TBC1D16: variants seen among roughly 807,000 people sequenced by gnomAD.
TBC1D16 encodes CTD-2529O21.1.
Under a neutral mutation model 74.7 loss-of-function variants are expected in TBC1D16, and 58 were observed. The ratio of observed to expected loss-of-function variants is 0.78; its 90% CI spans 0.63 to 0.97. TBC1D16 has a LOEUF of 0.97. TBC1D16 is among the 50% of genes least tolerant of loss of function. The pLI is 0.00. For synonymous variants in TBC1D16, 493 were observed against 474.7 expected, an observed-to-expected ratio of 1.04 and a Z score of -0.50; for missense variants, 1,014 against 1,079.5, an observed-to-expected ratio of 0.94 and a Z score of 0.85.
In TBC1D16 at chr17:79,952,793, G is replaced by A; in HGVS notation, c.805C>T (p.Leu269=). 1.2e-6 allele frequency: 2 copies of A among 1,610,726 alleles called. No homozygotes were observed. Among genetic ancestry groups the A allele is most frequent in the Non-Finnish European group, 1.7e-6 (2 of 1,178,502 alleles). Residue 269 remains leucine, a synonymous_variant, in exon 4 of 12, where the codon CTG becomes TTG. Transcript: ENST00000310924. ...SSPPSSSDAG[L]RFPDSNGLLQ... ...AGGCCGTTGCTGTCCGGGAACCGCAGGCCGGCGTCGGAGCTGGACGGGGGG... is the reference window on the plus strand; with the variant it reads ...AGGCCGTTGCTGTCCGGGAACCGCAAGCCGGCGTCGGAGCTGGACGGGGGG...
chr17:79,945,311 A>G (rs939537577), intron 9 of TBC1D16, among the ~76,000 whole-genome samples: 4 of 152,050 alleles, frequency 2.6e-5, no homozygotes, highest in African/African-American at 7.2e-5. Context: ...ACTGTTCCGG[A>G]GGCTGTGGTG....
Position 80,008,420 on chromosome 17 carries a change from C to CTGGTTG in TBC1D16, c.779+1734_779+1739dup, listed in dbSNP as rs1474195387. Among the ~76,000 whole-genome samples the CTGGTTG allele has an allele frequency of 2.0e-5, 3 of 152,176 alleles. No homozygotes were observed. Among genetic ancestry groups the CTGGTTG allele is most frequent in the Admixed American group, 6.5e-5 (1 of 15,282 alleles). ...GGACAGAGAGCTGACCGGCCAGCTT[C>CTGGTTG]TGGTTGTGGTTCTGCCACAGAATCC... On this transcript the variant is annotated intron_variant, in intron 3 of 11. Transcript: ENST00000310924. This position sits in a 1 kb window ranked among gnomAD's most constrained non-coding sequence, Gnocchi z 4.5.
rs1024653337 is a variant in TBC1D16 at position 79,986,788 on chromosome 17, G to A, written c.779+23372C>T. On this transcript the variant is annotated intron_variant, in intron 3 of 11. Transcript: ENST00000310924. The surrounding 1 kb of genome is among the most constrained non-coding windows in gnomAD (Gnocchi z 6.0). ...CCTCCTCAGAGCCTCAGCCCGCAGC[G>A]GGAGATGACACCTCCGATCAGGTCC... Among the ~76,000 whole-genome samples the A allele has an allele frequency of 5.3e-5, 8 of 152,178 alleles. No individual in the cohort carries two copies. The highest frequency in any genetic ancestry group is 7.2e-5 in the African/African-American group (3 of 41,460).
chr17:79,970,001 T>C lies in TBC1D16; in HGVS notation c.780-17183A>G, dbSNP rs1010937126. Among the ~76,000 whole-genome samples, 16 of 152,304 alleles carry C rather than the reference T, an allele frequency of 1.1e-4. 1 individual carries two copies. Among genetic ancestry groups the C allele is most frequent in the Middle Eastern group, 6.8e-3 (2 of 294 alleles). The stretch of plus-strand genomic sequence containing the variant: ...ATAAAAACATGTACACACATGTTCA[T>C]AGTAGCATTATTCATCATATCCAAA... On this transcript the variant is annotated intron_variant, in intron 3 of 11. Coordinates refer to ENST00000310924, the MANE Select transcript of TBC1D16 (RefSeq NM_019020.4).
chr17:79,949,278 C>T (rs1012102217), intron 7 of TBC1D16, among the ~76,000 whole-genome samples: 16 of 152,238 alleles, frequency 1.1e-4, no homozygotes, highest in Non-Finnish European at 2.2e-4. Flanking sequence ...TTGGCCCTGG[C>T]CCAGCGTTCT....
Position 79,951,432 on chromosome 17 carries a change from G to A in TBC1D16, c.1089+18C>T. On this transcript the variant is annotated intron_variant, in intron 5 of 11. Transcript: ENST00000310924. ...GAGTGTCAACCGCTGGGCATTCTGG[G>A]GCCGTCTGCTGGGCTACCTGGTCTT... is the stretch of plus-strand genomic sequence containing the variant. 1 of 1,610,810 alleles carries A rather than the reference G, an allele frequency of 6.2e-7. No individual in the cohort carries two copies. Among genetic ancestry groups the A allele is most frequent in the Non-Finnish European group, 8.5e-7 (1 of 1,178,180 alleles).
rs906523964 is a variant in TBC1D16, at chr17:79,944,765, G to A, written c.1908+143C>T. 14 of 756,518 alleles carry A rather than the reference G, an allele frequency of 1.9e-5. No individual in the cohort carries two copies. Among genetic ancestry groups the A allele is most frequent in the East Asian group, 8.4e-5 (3 of 35,878 alleles). 46.9% of individuals were successfully genotyped at this position (756,518 alleles called of 1,614,324 possible). ...AGGTCTGAAGCCAGCCACGTGGGAC[G>A]GGAAGGCAGTCGCCGTATGGGGGGC... On this transcript the variant is annotated intron_variant, in intron 10 of 11. Coordinates refer to ENST00000310924, the MANE Select transcript of TBC1D16 (RefSeq NM_019020.4). This position sits in a 1 kb window ranked among gnomAD's most constrained non-coding sequence, Gnocchi z 7.7.
intron 1 of TBC1D16, among the ~76,000 whole-genome samples, chr17:80,016,523 C>T (rs2036096342): frequency 6.6e-6 from 1 of 150,936 alleles, no homozygotes; most frequent in Non-Finnish European, 1.5e-5. Context: ...TTTTACATTT[C>T]TCCAAAGATC....
chr17:79,945,621 T>C (rs1374385272), intron 9 of TBC1D16, among the ~76,000 whole-genome samples: 2 of 152,222 alleles, frequency 1.3e-5, no homozygotes, highest in Non-Finnish European at 2.9e-5. Context: ...ATCGGGGCTA[T>C]TTCTGGCAGC....
intron 3 of TBC1D16, among the ~76,000 whole-genome samples, chr17:79,967,310 G>GA (rs1415775394): frequency 6.6e-6 from 1 of 151,622 alleles, no homozygotes; most frequent in African/African-American, 2.4e-5. Context: ...AAGAAGATTG[G>GA]AAAAAAAGGA....
At position 79,986,573 on chromosome 17, in the gene TBC1D16, G is replaced by A. The variant is rs971141099; in HGVS notation, c.779+23587C>T. ...GAGACCACACGTGCCGCCCCCTGCC[G>A]AAGCCTGGCCTTTGAAGGATGAACG... On this transcript the variant is annotated intron_variant, in intron 3 of 11. Coordinates refer to ENST00000310924, the MANE Select transcript of TBC1D16 (RefSeq NM_019020.4). The surrounding 1 kb of genome is among the most constrained non-coding windows in gnomAD (Gnocchi z 6.0). Among the ~76,000 whole-genome samples the A allele has an allele frequency of 4.6e-5, 7 of 152,288 alleles. No individual in the cohort carries two copies. Among genetic ancestry groups the A allele is most frequent in the Admixed American group, 6.5e-5 (1 of 15,296 alleles).
chr17:80,012,333 G>A (rs1216803490), intron 2 of TBC1D16, among the ~76,000 whole-genome samples: 1 of 152,182 alleles, frequency 6.6e-6, no homozygotes, highest in Non-Finnish European at 1.5e-5. Flanking sequence ...TCCGGGTCGA[G>A]GGGCCGCATC....
intron 3 of TBC1D16, among the ~76,000 whole-genome samples, chr17:79,998,026 G>C (rs961115641): frequency 2.7e-5 from 4 of 150,840 alleles, no homozygotes; most frequent in African/African-American, 7.3e-5. Context: ...TCAAGAGGCT[G>C]AGGCAGGAAA....
intron 1 of TBC1D16, among the ~76,000 whole-genome samples, chr17:80,019,407 C>T (rs974805118): frequency 2.0e-5 from 3 of 147,284 alleles, no homozygotes; most frequent in Non-Finnish European, 4.4e-5. Flanking sequence ...ACTCCGGCTC[C>T]TCCATCACCC....
intron 3 of TBC1D16, among the ~76,000 whole-genome samples, chr17:79,968,592 G>A (rs558334669): frequency 8.5e-5 from 13 of 152,240 alleles, no homozygotes; most frequent in Non-Finnish European, 1.6e-4. Context: ...GGTGGCTCAC[G>A]CCTGTAATCC....
chr17:79,943,702 C>T (rs571742294), intron 10 of TBC1D16, among the ~76,000 whole-genome samples: 4 of 152,230 alleles, frequency 2.6e-5, no homozygotes, highest in Admixed American at 1.3e-4. Flanking sequence ...AGAGATCCCA[C>T]GTCACGTGGG....
intron 1 of TBC1D16, among the ~76,000 whole-genome samples, chr17:80,033,908 T>C (rs1358566857): frequency 1.3e-5 from 2 of 152,210 alleles, no homozygotes; most frequent in East Asian, 1.9e-4. Flanking sequence ...TGTTTGTATA[T>C]GAATGGTGGG....
chr17:79,996,519 G>T (rs780303436), intron 3 of TBC1D16, among the ~76,000 whole-genome samples: 2 of 152,136 alleles, frequency 1.3e-5, no homozygotes, highest in African/African-American at 4.8e-5. Context: ...CAAGGCACTC[G>T]TAAATTTCTG....
Position 79,944,938 on chromosome 17 carries a change from C to T in TBC1D16, c.1878G>A (p.Arg626=), listed in dbSNP as rs768505816. ...AGTGGGCCCAGCAGGCCTCCCAGAT[C>T]CGCAGCGCTTCGGCCTCGGGGAACT... ...KREFPEAEAL[R]IWEACWAHYQ... Residue 626 remains arginine (R), a synonymous_variant, in exon 10 of 12, where the codon CGG becomes CGA. Coordinates refer to ENST00000310924, the MANE Select transcript of TBC1D16 (RefSeq NM_019020.4). The surrounding 1 kb of genome is among the most constrained non-coding windows in gnomAD (Gnocchi z 7.7). 1 of 1,552,748 alleles carries T rather than the reference C, an allele frequency of 6.4e-7. No homozygotes were observed. The highest frequency in any genetic ancestry group is 8.7e-7 in the Non-Finnish European group (1 of 1,147,988).
Sources: gnomAD v4.1 joint callset for allele counts (sites outside exome capture counted in the v4.1 genomes callset) on GRCh38, gnomAD v4.1.1 for gene constraint, Gnocchi (gnomAD v3.1) non-coding constraint, MANE v1.5 for transcripts, NCBI Gene and HGNC (gene_info 2026-07-23, HGNC 2026-07-21) for gene names.